Variants in OR10K2 observed in about 807,000 individuals in gnomAD.
The protein encoded by OR10K2 is olfactory receptor 10K2.
For missense variants in OR10K2, 401 were observed against 367.1 expected (o/e 1.09, Z -0.76); for synonymous variants, 169 against 146.4 (o/e 1.15, Z -1.11).
At chr1:158,425,581 T>C (rs1214831881) in intron 1 of OR10K2, among the ~76,000 whole-genome samples, 1 of 152,096 alleles carries the variant, frequency 6.6e-6, no homozygotes, top group Non-Finnish European at 1.5e-5. Context: ...TTATAACTAT[T>C]TTCAGAGCAT....
At position 158,419,904 on chromosome 1, in the gene OR10K2, A is replaced by C; in HGVS notation, c.*24T>G. On this transcript the variant is annotated 3_prime_UTR_variant, in exon 2 of 2. Coordinates refer to ENST00000641042, the MANE Select transcript of OR10K2 (RefSeq NM_001004476.2). ...TGGGATTACAGTCGTGAGAAACTGC[A>C]CCTGGCCAGAATCAAGATTAATTTT... 6.3e-7 allele frequency: 1 copy of C among 1,586,166 alleles called. No individual in the cohort carries two copies. The highest frequency in any genetic ancestry group is 1.2e-5 in the South Asian group (1 of 86,310).
rs759442201 is a variant in OR10K2, at chr1:158,420,140, A to T, written c.727T>A (p.Ser243Thr). ...GRCKAFSTCV[S>T]HLIIVTVHYG... is the part of the protein sequence containing the mutation. ...TGGACAGTGACAATAATGAGGTGAG[A>T]TACACAGGTAGAAAAAGCTTTGCAC... is the stretch of plus-strand genomic sequence containing the variant. Residue 243 changes from serine to threonine, a missense_variant, in exon 2 of 2, where the codon TCT becomes ACT. Physicochemically the swap from Ser to Thr is moderately conservative, Grantham distance 58. Coordinates refer to ENST00000641042, the MANE Select transcript of OR10K2 (RefSeq NM_001004476.2). 1 of 1,613,774 alleles carries T rather than the reference A, an allele frequency of 6.2e-7. No individual in the cohort carries two copies. The highest frequency in any genetic ancestry group is 1.7e-5 in the Admixed American group (1 of 59,898).
intron 1 of OR10K2, among the ~76,000 whole-genome samples, chr1:158,423,228 T>TA (rs1491287363): frequency 7.8e-4 from 31 of 39,594 alleles, no homozygotes; most frequent in African/African-American, 1.5e-3. Context: ...TCGCCCAATA[T>TA]TTTTTTTTTT....
rs146971622 is a variant in OR10K2, at chr1:158,424,737, C to CTGTGTGTGTGTGTGTGTGTGTGTG, written c.-62+1195_-62+1196insCACACACACACACACACACACACA. On this transcript the variant is annotated intron_variant, in intron 1 of 1. Coordinates refer to ENST00000641042, the MANE Select transcript of OR10K2 (RefSeq NM_001004476.2). The stretch of plus-strand genomic sequence containing the variant: ...AACCAACACTAGACTACAGTACAAT[C>CTGTGTGTGTGTGTGTGTGTGTGTG]TGTGTGTGTGTGTGTGTGTGGTGAG... Among the ~76,000 whole-genome samples the CTGTGTGTGTGTGTGTGTGTGTGTG allele has an allele frequency of 5.6e-3, 833 of 149,430 alleles. 9 individuals carry two copies. The highest frequency in any genetic ancestry group is 0.018 in the African/African-American group (749 of 40,696).
rs1480698702 is a variant in OR10K2, at chr1:158,419,576, CT to C, written c.*351del. ...GTTCTGGGAATTTTTTCCTGTATAA[CT>C]TGTGGTTTACGGTTTGGAAAGAGCA... is the stretch of plus-strand genomic sequence containing the variant. On this transcript the variant is annotated 3_prime_UTR_variant, in exon 2 of 2. Transcript: ENST00000641042. 6.1e-6 allele frequency: 1 copy of C among 162,960 alleles called. No individual in the cohort carries two copies. Among genetic ancestry groups the C allele is most frequent in the East Asian group, 1.6e-4 (1 of 6,094 alleles). The allele number at this position is 162,960 out of a possible 1,614,324, so 10.1% of individuals were successfully genotyped here.
chr1:158,423,082 AC>A (rs1655189107), intron 1 of OR10K2, among the ~76,000 whole-genome samples: 1 of 152,008 alleles, frequency 6.6e-6, no homozygotes, highest in Non-Finnish European at 1.5e-5. Context: ...GCAAGTAAGT[AC>A]ATTTGCTTCT....
rs1362201333 is a variant in OR10K2, at chr1:158,420,214, T to A, written c.653A>T (p.Tyr218Phe). The change falls in exon 2 of 2, where the codon TAT (tyrosine) becomes TTT (phenylalanine). Residue 218 changes from tyrosine to phenylalanine, a missense_variant. Physicochemically the swap from Tyr to Phe is conservative, Grantham distance 22. Transcript: ENST00000641042. Reference protein sequence around the residue: ...AIPLLLILVSYVHILSAILQF... With the variant: ...AIPLLLILVSFVHILSAILQF... ...AAGTATGGCAGAGAGGATGTGAACA[T>A]AGGACACCAAGATCAACAATAAGGG... 8 of 1,613,396 alleles carry A rather than the reference T, an allele frequency of 5.0e-6. No individual in the cohort carries two copies.
chr1:158,419,469 T>C lies in OR10K2; in HGVS notation c.*459A>G, dbSNP rs1322976687. On this transcript the variant is annotated 3_prime_UTR_variant, in exon 2 of 2. Transcript: ENST00000641042. ...TTCATGTGAGTGTGGCAAGCAGTTGTGTTTTTCTAAATTTTATATTTGGAG... is the reference window on the plus strand; with the variant it reads ...TTCATGTGAGTGTGGCAAGCAGTTGCGTTTTTCTAAATTTTATATTTGGAG... 3 of 155,950 alleles carry C rather than the reference T, an allele frequency of 1.9e-5. No individual in the cohort carries two copies. Among genetic ancestry groups the C allele is most frequent in the African/African-American group, 7.2e-5 (3 of 41,644 alleles). The allele number at this position is 155,950 out of a possible 1,614,324, so 9.7% of individuals were successfully genotyped here. A position where few individuals can be genotyped will look rare whatever the true frequency, so the allele number is the denominator to read the frequency against.
intron 1 of OR10K2, among the ~76,000 whole-genome samples, chr1:158,425,261 T>C (rs2101649281): frequency 6.6e-6 from 1 of 152,202 alleles, no homozygotes; most frequent in East Asian, 1.9e-4. Flanking sequence ...AGATCTAGCT[T>C]AGTAGTTTCA....
At position 158,419,891 on chromosome 1, in the gene OR10K2, C is replaced by A. The variant is rs944358625; in HGVS notation, c.*37G>T. On this transcript the variant is annotated 3_prime_UTR_variant, in exon 2 of 2. Coordinates refer to ENST00000641042, the MANE Select transcript of OR10K2 (RefSeq NM_001004476.2). ...CCTTCCAAAATGCTGGGATTACAGT[C>A]GTGAGAAACTGCACCTGGCCAGAAT... 4 of 1,561,786 alleles carry A rather than the reference C, an allele frequency of 2.6e-6. No individual in the cohort carries two copies. Among genetic ancestry groups the A allele is most frequent in the South Asian group, 2.4e-5 (2 of 82,806 alleles).
rs1250803317 is a variant in OR10K2, at chr1:158,419,568, C to T, written c.*360G>A. 6.1e-6 allele frequency: 1 copy of T among 164,678 alleles called. No homozygotes were observed. The highest frequency in any genetic ancestry group is 2.4e-5 in the African/African-American group (1 of 41,302). 10.2% of individuals were successfully genotyped at this position (164,678 alleles called of 1,614,324 possible). A position where few individuals can be genotyped will look rare whatever the true frequency, so the allele number is the denominator to read the frequency against. On this transcript the variant is annotated 3_prime_UTR_variant, in exon 2 of 2. Coordinates refer to ENST00000641042, the MANE Select transcript of OR10K2 (RefSeq NM_001004476.2). ...TCATTTGTGTTCTGGGAATTTTTTCCTGTATAACTTGTGGTTTACGGTTTG... is the reference window on the plus strand; with the variant it reads ...TCATTTGTGTTCTGGGAATTTTTTCTTGTATAACTTGTGGTTTACGGTTTG...
At position 158,420,244 on chromosome 1, in the gene OR10K2, G is replaced by A. The variant is rs1355703617; in HGVS notation, c.623C>T (p.Ala208Val). Residue 208 changes from alanine to valine, a missense_variant, in exon 2 of 2, where the codon GCT (alanine) becomes GTT (valine). By Grantham distance (64) the Ala-to-Val change is moderately conservative. Coordinates refer to ENST00000641042, the MANE Select transcript of OR10K2 (RefSeq NM_001004476.2). ...CACCAAGATCAACAATAAGGGGATA[G>A]CCAGGACCAATGTACAGAGCATGAA... ...VIFMLCTLVL[A>V]IPLLLILVSY... 3 of 1,613,808 alleles carry A rather than the reference G, an allele frequency of 1.9e-6. No individual in the cohort carries two copies. Among genetic ancestry groups the A allele is most frequent in the East Asian group, 4.5e-5 (2 of 44,818 alleles).
Position 158,420,495 on chromosome 1 carries a change from T to A in OR10K2, c.372A>T (p.Ile124=), listed in dbSNP as rs1162251631. ...LLAVMGYDRY[I]AICNPLRYSV... is the part of the protein sequence containing the mutation. ...AGTAGCGCAGTGGGTTACAGATGGC[T>A]ATGTAACGATCATAACCCATGACTG... is the stretch of plus-strand genomic sequence containing the variant. The change falls in exon 2 of 2, where the codon ATA becomes ATT. Residue 124 remains isoleucine, a synonymous_variant. Coordinates refer to ENST00000641042, the MANE Select transcript of OR10K2 (RefSeq NM_001004476.2). The A allele has an allele frequency of 3.7e-6, 6 of 1,613,740 alleles. No individual in the cohort carries two copies. The African/African-American group carries it at 8.0e-5, about 22-fold the overall frequency.
Position 158,419,065 on chromosome 1 carries a change from C to T in OR10K2, c.*863G>A, listed in dbSNP as rs778305681. ...CTCTGCATACAAAATTAGAAATGAT[C>T]GTATTTCATTAATACACTAGAAGCA... On this transcript the variant is annotated 3_prime_UTR_variant, in exon 2 of 2. Coordinates refer to ENST00000641042, the MANE Select transcript of OR10K2 (RefSeq NM_001004476.2). 2.0e-5 allele frequency: 3 copies of T among 153,276 alleles called. No homozygotes were observed. The highest frequency in any genetic ancestry group is 4.4e-5 in the Non-Finnish European group (3 of 68,114). 9.5% of individuals were successfully genotyped at this position (153,276 alleles called of 1,614,324 possible). A position where few individuals can be genotyped will look rare whatever the true frequency, so the allele number is the denominator to read the frequency against.
At chr1:158,422,584 A>G (rs769860509) in intron 1 of OR10K2, among the ~76,000 whole-genome samples, 7 of 152,128 alleles carry the variant, frequency 4.6e-5, no homozygotes, top group Non-Finnish European at 7.4e-5. Context: ...GAGAAAAATC[A>G]TAAAGATAAC....
In OR10K2 at chr1:158,420,215, A is replaced by AG. The variant is rs1655121955; in HGVS notation, c.651dup (p.Tyr218LeufsTer17). 6.2e-7 allele frequency: 1 copy of AG among 1,613,658 alleles called. No homozygotes were observed. Among genetic ancestry groups the AG allele is most frequent in the Admixed American group, 1.7e-5 (1 of 59,886 alleles). On this transcript the variant is annotated frameshift_variant, in exon 2 of 2. Coordinates refer to ENST00000641042, the MANE Select transcript of OR10K2 (RefSeq NM_001004476.2). LOFTEE classifies it low-confidence loss of function (END_TRUNC). Reference sequence around the variant, plus strand: ...AGTATGGCAGAGAGGATGTGAACATAGGACACCAAGATCAACAATAAGGGG... The same window carrying AG: ...AGTATGGCAGAGAGGATGTGAACATAGGGACACCAAGATCAACAATAAGGGG...
chr1:158,419,014 T>C lies in OR10K2; in HGVS notation c.*914A>G, dbSNP rs1480654757. On this transcript the variant is annotated 3_prime_UTR_variant, in exon 2 of 2. Transcript: ENST00000641042. ...CATTCCCCTGTGAATATCTTCAGGG[T>C]ATGCTGACCAAATTTAGATGTATGC... is the stretch of plus-strand genomic sequence containing the variant. 2 of 152,160 alleles carry C rather than the reference T, an allele frequency of 1.3e-5. No individual in the cohort carries two copies. The highest frequency in any genetic ancestry group is 4.8e-5 in the African/African-American group (2 of 41,446). 9.4% of individuals were successfully genotyped at this position (152,160 alleles called of 1,614,324 possible). A position where few individuals can be genotyped will look rare whatever the true frequency, so the allele number is the denominator to read the frequency against.
Position 158,420,190 on chromosome 1 carries a change from A to G in OR10K2, c.677T>C (p.Leu226Pro), listed in dbSNP as rs1655119688. Reference protein sequence around the residue: ...VSYVHILSAILQFPSTLGRCK... With the variant: ...VSYVHILSAIPQFPSTLGRCK... ...CCTACCCAGTGTGGAAGGAAACTGA[A>G]GTATGGCAGAGAGGATGTGAACATA... is the stretch of plus-strand genomic sequence containing the variant. Residue 226 changes from leucine (L) to proline (P), a missense_variant, in exon 2 of 2, where the codon CTT (leucine) becomes CCT (proline). Leu to Pro is a moderately conservative substitution (Grantham distance 98, BLOSUM62 -3). Coordinates refer to ENST00000641042, the MANE Select transcript of OR10K2 (RefSeq NM_001004476.2). 6.2e-7 allele frequency: 1 copy of G among 1,613,800 alleles called. No individual in the cohort carries two copies. Among genetic ancestry groups the G allele is most frequent in the Non-Finnish European group, 8.5e-7 (1 of 1,179,864 alleles).
chr1:158,423,629 G>T (rs1412065016), intron 1 of OR10K2, among the ~76,000 whole-genome samples: 1 of 151,912 alleles, frequency 6.6e-6, no homozygotes, highest in African/African-American at 2.4e-5. Context: ...TGTTCTATAG[G>T]TATTGGTATC....
Sources: allele counts gnomAD v4.1 joint callset (sites outside exome capture counted in the v4.1 genomes callset), GRCh38; gene constraint gnomAD v4.1.1; transcripts MANE v1.5; gene names NCBI Gene and HGNC (gene_info 2026-07-23, HGNC 2026-07-21).